Variants in TMEM144 observed in about 807,000 individuals in gnomAD.
TMEM144 encodes the protein transmembrane protein 144.
A neutral mutation model predicts 43.6 loss-of-function variants in TMEM144; 39 were observed. The ratio of observed to expected loss-of-function variants is 0.90; its 90% CI spans 0.69 to 1.17. The LOEUF (loss-of-function observed/expected upper bound fraction) is 1.17, where lower values mean the gene tolerates loss of function less well. TMEM144 is among the 50% of genes most tolerant of loss of function. TMEM144 has a pLI of 0.00. For missense variants in TMEM144, 417 were observed against 411.9 expected (o/e 1.01, Z -0.11); for synonymous variants, 154 against 133.6 (o/e 1.15, Z -1.06).
rs1736336298 is a variant in TMEM144, at chr4:158,253,753, A to T, written c.*226A>T. 3.9e-6 allele frequency: 2 copies of T among 510,882 alleles called. No homozygotes were observed. Among genetic ancestry groups the T allele is most frequent in the African/African-American group, 3.9e-5 (2 of 51,782 alleles). The allele number at this position is 510,882 out of a possible 1,614,324, so 31.6% of individuals were successfully genotyped here. A position where few individuals can be genotyped will look rare whatever the true frequency, so the allele number is the denominator to read the frequency against. On this transcript the variant is annotated 3_prime_UTR_variant, in exon 13 of 13. Transcript: ENST00000296529. ...CTTCTGATGAACTGTTTATGAAGGT[A>T]GTACTTTACTGGGTGACTAAAATGT...
intron 7 of TMEM144, chr4:158,233,928 A>G (rs1157557363): frequency 6.6e-6 from 1 of 152,262 alleles, no homozygotes; most frequent in Non-Finnish European, 1.5e-5. Flanking sequence ...GCTTTGGGAA[A>G]GGGTTCCTTG....
Position 158,232,987 on chromosome 4 carries a change from G to A in TMEM144, c.495+5G>A. 1.3e-6 allele frequency: 2 copies of A among 1,587,200 alleles called. No homozygotes were observed. The highest frequency in any genetic ancestry group is 1.7e-6 in the Non-Finnish European group (2 of 1,162,870). On this transcript the variant is annotated splice_donor_5th_base_variant and intron_variant, in intron 7 of 12. Coordinates refer to ENST00000296529, the MANE Select transcript of TMEM144 (RefSeq NM_018342.5). ...ACTCCATTAATAACAGAGCATGTGAGTATAGTATGAGAGACAACTTGATTT... is the reference window on the plus strand; with the variant it reads ...ACTCCATTAATAACAGAGCATGTGAATATAGTATGAGAGACAACTTGATTT...
At chr4:158,248,557 T>A (rs1050081867) in intron 12 of TMEM144, among the ~76,000 whole-genome samples, 16 of 152,094 alleles carry the variant, frequency 1.1e-4, no homozygotes, top group African/African-American at 3.9e-4. Context: ...TAAAGAAAAA[T>A]TTTAAATACT....
intron 9 of TMEM144, among the ~76,000 whole-genome samples, chr4:158,239,357 TGC>T (rs1402771720): frequency 2.0e-5 from 3 of 152,230 alleles, no homozygotes; most frequent in Non-Finnish European, 2.9e-5. Flanking sequence ...GAACCTGTAG[TGC>T]ACCCATCTGT....
At chr4:158,246,971 T>C (rs1735919534) in intron 12 of TMEM144, among the ~76,000 whole-genome samples, 1 of 151,922 alleles carries the variant, frequency 6.6e-6, no homozygotes, top group Non-Finnish European at 1.5e-5. Flanking sequence ...CTAGTATTAA[T>C]TGAAAAACAG....
At chr4:158,245,271 T>C (rs1735837066) in intron 12 of TMEM144, among the ~76,000 whole-genome samples, 2 of 145,880 alleles carry the variant, frequency 1.4e-5, no homozygotes, top group Admixed American at 1.4e-4. Flanking sequence ...TGTATGTATG[T>C]TTTCTTTAAA....
chr4:158,216,717 A>G (rs139250628), intron 4 of TMEM144, among the ~76,000 whole-genome samples: 497 of 152,276 alleles, frequency 3.3e-3, no homozygotes, highest in African/African-American at 0.011. Flanking sequence ...AATGATGAAA[A>G]ATAGTAGCCA....
At chr4:158,225,873 G>A (rs1239313257) in intron 6 of TMEM144, among the ~76,000 whole-genome samples, 1 of 152,250 alleles carries the variant, frequency 6.6e-6, no homozygotes, top group African/African-American at 2.4e-5. Flanking sequence ...GGCCCTCGGG[G>A]GCTGACCCGC....
In TMEM144 at chr4:158,254,894, T is replaced by G. The variant is rs1236324864; in HGVS notation, c.*1367T>G. ...TAAGCCCTCTGTGTCAGGCCCCTCA[T>G]TAACAAAATGGAGTTTATGATGGCA... On this transcript the variant is annotated 3_prime_UTR_variant, in exon 13 of 13. Coordinates refer to ENST00000296529, the MANE Select transcript of TMEM144 (RefSeq NM_018342.5). 1 of 152,314 alleles carries G rather than the reference T, an allele frequency of 6.6e-6. No homozygotes were observed. Among genetic ancestry groups the G allele is most frequent in the South Asian group, 2.1e-4 (1 of 4,826 alleles). 9.4% of individuals were successfully genotyped at this position (152,314 alleles called of 1,614,324 possible).
intron 6 of TMEM144, among the ~76,000 whole-genome samples, chr4:158,221,321 T>C (rs1163878937): frequency 6.6e-6 from 1 of 152,146 alleles, no homozygotes; most frequent in East Asian, 1.9e-4. Flanking sequence ...GACCGACTGC[T>C]CCTGCTGAAA....
chr4:158,241,474 A>G (rs778376853), intron 10 of TMEM144, 35 bp from the exon 11 acceptor site: 22 of 1,534,674 alleles, frequency 1.4e-5, no homozygotes, highest in Non-Finnish European at 1.8e-5. Context: ...GGAGGGGAAC[A>G]TGGTCTGCAA....
chr4:158,215,266 C>T lies in TMEM144; in HGVS notation c.185C>T (p.Pro62Leu), dbSNP rs11556229. 1 of 1,613,648 alleles carries T rather than the reference C, an allele frequency of 6.2e-7. No individual in the cohort carries two copies. The highest frequency in any genetic ancestry group is 8.5e-7 in the Non-Finnish European group (1 of 1,179,796). ...GTTGTCAATCTGATATTACATTGTC[C>T]AAAGTTTTGGCCTTTTGCAATGCTT... ...ALVVNLILHC[P>L]KFWPFAMLGG... Residue 62 changes from proline (P) to leucine (L), a missense_variant, in exon 4 of 13, where the codon CCA becomes CTA. By Grantham distance (98) the Pro-to-Leu change is moderately conservative. Coordinates refer to ENST00000296529, the MANE Select transcript of TMEM144 (RefSeq NM_018342.5).
intron 12 of TMEM144, 140 bp from the exon 13 acceptor site, chr4:158,253,304 T>C: frequency 1.6e-6 from 1 of 624,342 alleles, no homozygotes; most frequent in Non-Finnish European, 2.7e-6. Context: ...TGTGAGAACC[T>C]GATTACTTGG....
chr4:158,222,454 C>T (rs1408691620), intron 6 of TMEM144, among the ~76,000 whole-genome samples: 1 of 152,170 alleles, frequency 6.6e-6, no homozygotes, highest in Non-Finnish European at 1.5e-5. Flanking sequence ...TCCTCAGCCT[C>T]CTTGGCCATC....
chr4:158,211,009 G>A (rs1156994380), intron 1 of TMEM144: 1 of 152,210 alleles, frequency 6.6e-6, no homozygotes, highest in Non-Finnish European at 1.5e-5. Flanking sequence ...TAGGTTTTGT[G>A]CAGGAAGAAT....
chr4:158,230,350 C>T (rs747724728), intron 6 of TMEM144, among the ~76,000 whole-genome samples: 7 of 152,130 alleles, frequency 4.6e-5, no homozygotes, highest in Non-Finnish European at 1.0e-4. Flanking sequence ...ACCTTGGTTG[C>T]CAGTGAAGGA....
intron 12 of TMEM144, among the ~76,000 whole-genome samples, chr4:158,249,009 C>T (rs1185594107): frequency 2.6e-5 from 4 of 152,126 alleles, no homozygotes; most frequent in Non-Finnish European, 4.4e-5. Context: ...TGGGTTCAAG[C>T]GATTCTCCTG....
chr4:158,214,952 C>T (rs530621802), intron 3 of TMEM144, among the ~76,000 whole-genome samples: 2 of 152,270 alleles, frequency 1.3e-5, no homozygotes, highest in Admixed American at 1.3e-4. Flanking sequence ...GTTTAAATTC[C>T]AGCTCAACAA....
At chr4:158,212,130 T>G (rs1044126499) in intron 2 of TMEM144, 1 of 152,282 alleles carries the variant, frequency 6.6e-6, no homozygotes, top group African/African-American at 2.4e-5. Flanking sequence ...ACGCTGTACC[T>G]CCTGTGATAA....
Sources: allele counts gnomAD v4.1 joint callset (sites outside exome capture counted in the v4.1 genomes callset), GRCh38; gene constraint gnomAD v4.1.1; transcripts MANE v1.5; gene names NCBI Gene and HGNC (gene_info 2026-07-23, HGNC 2026-07-21).